DENND5A: variants seen among roughly 807,000 people sequenced by gnomAD.
The protein encoded by DENND5A is DENN domain-containing protein 5A.
A neutral mutation model predicts 140.3 loss-of-function variants in DENND5A; 64 were observed. The ratio of observed to expected loss-of-function variants is 0.46; its 90% CI spans 0.37 to 0.56. The LOEUF is 0.56. DENND5A is among the 20% of genes least tolerant of loss of function. DENND5A has a pLI of 0.00. For synonymous variants in DENND5A, 605 were observed against 607.7 expected (o/e 1.00, Z 0.07); for missense variants, 1,292 against 1,593.8 (o/e 0.81, Z 3.22).
chr11:9,171,290 T>C (rs1350849738), intron 8 of DENND5A: 2 of 154,124 alleles, frequency 1.3e-5, no homozygotes, highest in South Asian at 2.0e-4. Flanking sequence ...CAATACAAAA[T>C]GCTCACACAG....
rs144639402 is a variant in DENND5A, at chr11:9,234,839, T to C, written c.110-27207A>G. On this transcript the variant is annotated intron_variant, in intron 1 of 22. Coordinates refer to ENST00000328194, the MANE Select transcript of DENND5A (RefSeq NM_015213.4). ...GTTAATCTATAACCTACAGAAACAA[T>C]GCTTATCACTGGCTTGCTGTTAATA... Among the ~76,000 whole-genome samples the C allele has an allele frequency of 2.7e-3, 405 of 152,270 alleles. 1 individual carries two copies. The highest frequency in any genetic ancestry group is 9.4e-3 in the African/African-American group (392 of 41,558).
rs572765132 is a variant in DENND5A, at chr11:9,211,699, C to T, written c.110-4067G>A. ...CTGTAATCCCAGGACTTTGGGAGGC[C>T]GAGGCGGGAAGATCACGAGGTCAGG... On this transcript the variant is annotated intron_variant, in intron 1 of 22. Coordinates refer to ENST00000328194, the MANE Select transcript of DENND5A (RefSeq NM_015213.4). Among the ~76,000 whole-genome samples, 148 of 152,010 alleles carry T rather than the reference C, an allele frequency of 9.7e-4. 1 individual carries two copies. Among genetic ancestry groups the T allele is most frequent in the African/African-American group, 3.1e-3 (127 of 41,466 alleles).
chr11:9,144,796 A>T (rs1199834157), intron 18 of DENND5A, among the ~76,000 whole-genome samples, 199 bp downstream of exon 18: 3 of 151,986 alleles, frequency 2.0e-5, no homozygotes, highest in Admixed American at 1.3e-4. Flanking sequence ...CTCAAAAAAA[A>T]AAAAAAGAAA....
rs189175059 is a variant in DENND5A, at chr11:9,181,274, G to A, written c.1138-190C>T. ...TCCAATATTACCCTGCCACATTCTC[G>A]TTGTGTGACCTTAGGAAAGTTACTT... On this transcript the variant is annotated intron_variant, in intron 5 of 22. Transcript: ENST00000328194. Among the ~76,000 whole-genome samples the A allele has an allele frequency of 1.8e-3, 279 of 152,220 alleles. 2 individuals carry two copies. The highest frequency in any genetic ancestry group is 6.3e-3 in the African/African-American group (261 of 41,530).
intron 4 of DENND5A, among the ~76,000 whole-genome samples, chr11:9,198,470 G>A (rs190857350): frequency 3.2e-4 from 48 of 152,094 alleles, no homozygotes; most frequent in Admixed American, 1.8e-3. Context: ...AATTAGGTGG[G>A]CGTGGTGGTG....
At chr11:9,183,729 A>G (rs969650893) in intron 5 of DENND5A, among the ~76,000 whole-genome samples, 2 of 152,156 alleles carry the variant, frequency 1.3e-5, no homozygotes, top group African/African-American at 4.8e-5. Context: ...ATTTTATACA[A>G]GGATTATCAT....
rs114489055 is a variant in DENND5A at position 9,164,952 on chromosome 11, C to T, written c.2283+884G>A. Among the ~76,000 whole-genome samples the T allele has an allele frequency of 2.8e-3, 433 of 152,258 alleles. 2 individuals are homozygous for T. The highest frequency in any genetic ancestry group is 9.4e-3 in the African/African-American group (392 of 41,540). On this transcript the variant is annotated intron_variant, in intron 11 of 22. Coordinates refer to ENST00000328194, the MANE Select transcript of DENND5A (RefSeq NM_015213.4). ...CGAGCCTGGGCAATATAGTGAGATC[C>T]TGTCTTTAAAAAAGTTTTTTATTAA...
At chr11:9,262,607 T>C (rs967317770) in intron 1 of DENND5A, among the ~76,000 whole-genome samples, 2 of 152,116 alleles carry the variant, frequency 1.3e-5, no homozygotes, top group African/African-American at 4.8e-5. Context: ...ACCAATACCC[T>C]GAACCGAATT....
intron 11 of DENND5A, among the ~76,000 whole-genome samples, chr11:9,162,675 T>A (rs1848028078): frequency 6.6e-6 from 1 of 152,072 alleles, no homozygotes; most frequent in Admixed American, 6.6e-5. Flanking sequence ...TACCTATATT[T>A]TTAACCCTAA....
At chr11:9,196,552 G>A (rs1849335637) in intron 4 of DENND5A, among the ~76,000 whole-genome samples, 1 of 152,094 alleles carries the variant, frequency 6.6e-6, no homozygotes, top group Admixed American at 6.6e-5. Flanking sequence ...TTCTAATGCT[G>A]TGAATTTCTA....
At position 9,146,994 on chromosome 11, in the gene DENND5A, C is replaced by T. The variant is rs1038394334; in HGVS notation, c.2857+36G>A. 2.5e-6 allele frequency: 4 copies of T among 1,613,078 alleles called. No individual in the cohort carries two copies. The Admixed American group carries it at 5.0e-5, about 20-fold the overall frequency. ...TCTCAGGCAGGTTCATAAAGACTGC[C>T]TTGAGAAGGCCAGCTGGGAGCACAG... is the stretch of plus-strand genomic sequence containing the variant. On this transcript the variant is annotated intron_variant, in intron 16 of 22. Transcript: ENST00000328194.
intron 5 of DENND5A, among the ~76,000 whole-genome samples, chr11:9,193,009 G>A (rs1425389829): frequency 1.3e-5 from 2 of 152,118 alleles, no homozygotes; most frequent in Non-Finnish European, 2.9e-5. Context: ...AGGATTACTT[G>A]AGCCCAGGAG....
chr11:9,167,746 T>G (rs1312752783), intron 10 of DENND5A, among the ~76,000 whole-genome samples: 1 of 152,178 alleles, frequency 6.6e-6, no homozygotes, highest in Non-Finnish European at 1.5e-5. Context: ...GAGGTTGCAG[T>G]GAGCCAAGGT....
At chr11:9,179,099 G>A (rs1412618374) in intron 6 of DENND5A, 26 bp from the exon 7 acceptor site, 4 of 1,598,230 alleles carry the variant, frequency 2.5e-6, no homozygotes, top group South Asian at 1.1e-5. Context: ...AAGCAGTTGA[G>A]AACACATACA....
intron 1 of DENND5A, among the ~76,000 whole-genome samples, chr11:9,233,682 G>A (rs1045007240): frequency 4.6e-5 from 7 of 152,076 alleles, no homozygotes; most frequent in East Asian, 1.9e-4. Flanking sequence ...CAGAAGCAGC[G>A]ATTAGGGTGG....
intron 1 of DENND5A, among the ~76,000 whole-genome samples, chr11:9,263,453 C>G (rs996157153): frequency 1.4e-4 from 21 of 151,072 alleles, no homozygotes; most frequent in African/African-American, 4.9e-4. Flanking sequence ...AACTCCTGAC[C>G]TCAGGTGACC....
chr11:9,235,304 T>G (rs1850954033), intron 1 of DENND5A, among the ~76,000 whole-genome samples: 1 of 152,078 alleles, frequency 6.6e-6, no homozygotes, highest in African/African-American at 2.4e-5. Context: ...TAATACAATA[T>G]TATTCAGCCA....
At chr11:9,192,565 T>C (rs898838329) in intron 5 of DENND5A, among the ~76,000 whole-genome samples, 1 of 151,770 alleles carries the variant, frequency 6.6e-6, no homozygotes. Flanking sequence ...AAGGCAGAGG[T>C]TGCAGTCAGC....
intron 1 of DENND5A, among the ~76,000 whole-genome samples, chr11:9,262,303 T>C (rs752035613): frequency 2.0e-5 from 3 of 152,216 alleles, no homozygotes; most frequent in Non-Finnish European, 4.4e-5. Flanking sequence ...TTCATTCTTA[T>C]GCTCTATCAT....
Sources: gnomAD v4.1 joint callset for allele counts (sites outside exome capture counted in the v4.1 genomes callset) on GRCh38, gnomAD v4.1.1 for gene constraint, MANE v1.5 for transcripts, NCBI Gene and HGNC (gene_info 2026-07-23, HGNC 2026-07-21) for gene names.